PCDHA4: variants seen among roughly 807,000 people sequenced by gnomAD.
The protein encoded by PCDHA4 is protocadherin alpha-4.
PCDHA4 carries 49 observed loss-of-function variants against 61.4 expected under a neutral mutation model. That is an observed-to-expected ratio of 0.80 (90% CI 0.63 to 1.01). The LOEUF (loss-of-function observed/expected upper bound fraction) is 1.01, where lower values mean the gene tolerates loss of function less well. Among genes scored for constraint, PCDHA4 ranks in the 50% least tolerant of loss-of-function variants. The pLI is 0.00. For missense variants in PCDHA4, 1,254 were observed against 1,235.8 expected, an observed-to-expected ratio of 1.01 and a Z score of -0.22; for synonymous variants, 590 against 550.3, an observed-to-expected ratio of 1.07 and a Z score of -1.01.
At chr5:140,962,790 C>T (rs899867239) in intron 1 of PCDHA4, among the ~76,000 whole-genome samples, 28 of 152,286 alleles carry the variant, frequency 1.8e-4, no homozygotes, top group African/African-American at 6.0e-4. Flanking sequence ...TTAAAAACTA[C>T]TTTGGACAAC....
At chr5:140,898,466 T>C (rs1331469917) in intron 1 of PCDHA4, among the ~76,000 whole-genome samples, 1 of 152,202 alleles carries the variant, frequency 6.6e-6, no homozygotes, top group Admixed American at 6.5e-5. Context: ...CCATTGCTTG[T>C]TTTTCTCAGG....
At chr5:140,822,474 T>A in intron 1 of PCDHA4, 2 of 1,613,832 alleles carry the variant, frequency 1.2e-6, no homozygotes, top group South Asian at 2.2e-5. Context: ...ATGTATTGGA[T>A]GCTAATGATA....
chr5:140,859,790 A>C (rs1023981970), intron 1 of PCDHA4: 1 of 152,502 alleles, frequency 6.6e-6, no homozygotes, highest in Non-Finnish European at 1.5e-5. Context: ...AGCTCTTAGA[A>C]ATTATAGATG....
chr5:140,860,028 C>A (rs2046140974), intron 1 of PCDHA4: 1 of 151,914 alleles, frequency 6.6e-6, no homozygotes, highest in South Asian at 2.1e-4. Context: ...GTGGCTCACA[C>A]CTGTAATCCC....
chr5:140,936,275 T>C (rs1423652397), intron 1 of PCDHA4, among the ~76,000 whole-genome samples: 1 of 152,216 alleles, frequency 6.6e-6, no homozygotes, highest in African/African-American at 2.4e-5. Context: ...TATATTCCTG[T>C]GTTTTCTTCT....
Position 140,886,416 on chromosome 5 carries a change from A to T in PCDHA4, c.2385+76844A>T, listed in dbSNP as rs184712902. Among the ~76,000 whole-genome samples, 13 of 152,286 alleles carry T rather than the reference A, an allele frequency of 8.5e-5. No homozygotes were observed. The East Asian group carries it at 2.5e-3, about 29-fold the overall frequency. ...TGCATCACAAATATGTTTTCCTCCT[A>T]TATTATTTCTATTCATTTGTTTGTA... is the stretch of plus-strand genomic sequence containing the variant. On this transcript the variant is annotated intron_variant, in intron 1 of 3. Transcript: ENST00000530339.
At chr5:140,829,919 G>A (rs2150177780) in intron 1 of PCDHA4, 3 of 1,613,902 alleles carry the variant, frequency 1.9e-6, no homozygotes, top group Non-Finnish European at 1.7e-6. Flanking sequence ...GCTTTCGTAT[G>A]AGCTGCAGCC....
intron 1 of PCDHA4, among the ~76,000 whole-genome samples, chr5:140,901,473 A>C (rs1554189862): frequency 1.3e-5 from 2 of 152,012 alleles, no homozygotes. Flanking sequence ...TCTCGAGTTT[A>C]TGTTCTTGGC....
At chr5:140,928,914 A>C in intron 1 of PCDHA4, 2 of 1,614,136 alleles carry the variant, frequency 1.2e-6, no homozygotes, top group Non-Finnish European at 1.7e-6. Flanking sequence ...GGGAACCAGG[A>C]GGGCAGCTTT....
At chr5:140,968,841 A>G in intron 1 of PCDHA4, 1 of 1,614,222 alleles carries the variant, frequency 6.2e-7, no homozygotes, top group Middle Eastern at 1.6e-4. Context: ...CCTGACACTC[A>G]GAGGCATGTT....
In PCDHA4 at chr5:141,010,671, A is replaced by T. The variant is rs375520397; in HGVS notation, c.*734A>T. The T allele has an allele frequency of 5.7e-4, 94 of 164,082 alleles. 1 individual carries two copies. Among genetic ancestry groups the T allele is most frequent in the Non-Finnish European group, 1.2e-3 (86 of 74,622 alleles). The allele number at this position is 164,082 out of a possible 1,614,324, so 10.2% of individuals were successfully genotyped here. A position where few individuals can be genotyped will look rare whatever the true frequency, so the allele number is the denominator to read the frequency against. On this transcript the variant is annotated 3_prime_UTR_variant, in exon 4 of 4. Transcript: ENST00000530339. Reference sequence around the variant, plus strand: ...TGTTTTAACAGAGAACCACCCTGGGAAACAGAAGCAGATCTGATGTGTTTC... The same window carrying T: ...TGTTTTAACAGAGAACCACCCTGGGTAACAGAAGCAGATCTGATGTGTTTC...
At chr5:140,823,642 G>C (rs2150127813) in intron 1 of PCDHA4, 2 of 1,614,036 alleles carry the variant, frequency 1.2e-6, no homozygotes, top group South Asian at 2.2e-5. Context: ...CCCGTTCCGC[G>C]TGGGGCTGTA....
At position 141,009,870 on chromosome 5, in the gene PCDHA4, A is replaced by G. The variant is rs1554262513; in HGVS notation, c.2777A>G (p.Lys926Arg). 1.9e-6 allele frequency: 3 copies of G among 1,614,114 alleles called. No homozygotes were observed. Among genetic ancestry groups the G allele is most frequent in the South Asian group, 2.2e-5 (2 of 91,074 alleles). ...GAGACCAAGAAAAAGAAGAAAAAGA[A>G]GAAGGGTAACAAGACCCAGGAGAAA... ...KEETKKKKKK[K>R]KGNKTQEKKE... The change falls in exon 4 of 4, where the codon AAG (lysine) becomes AGG (arginine). Residue 926 changes from lysine to arginine, a missense_variant. Physicochemically the swap from Lys to Arg is conservative, Grantham distance 26. Coordinates refer to ENST00000530339, the MANE Select transcript of PCDHA4 (RefSeq NM_018907.4).
chr5:140,929,646 A>G (rs868995130), intron 1 of PCDHA4: 1 of 365,824 alleles, frequency 2.7e-6, no homozygotes, highest in Non-Finnish European at 5.0e-6. Flanking sequence ...TGTGTAAGGC[A>G]CTCTAATATT....
At position 140,847,060 on chromosome 5, in the gene PCDHA4, C is replaced by T. The variant is rs1457152734; in HGVS notation, c.2385+37488C>T. ...TAAGGAAAGTTGAAGACACAGAAAG[C>T]ATCAATATGACAAGTAGAAAAGTCC... On this transcript the variant is annotated intron_variant, in intron 1 of 3. Coordinates refer to ENST00000530339, the MANE Select transcript of PCDHA4 (RefSeq NM_018907.4). 1.3e-5 allele frequency among the ~76,000 whole-genome samples: 2 copies of T among 149,600 alleles called. 1 individual carries two copies. Among genetic ancestry groups the T allele is most frequent in the Non-Finnish European group, 3.0e-5 (2 of 66,898 alleles).
rs955565578 is a variant in PCDHA4, at chr5:141,012,291, T to C, written c.*2354T>C. 6 of 153,804 alleles carry C rather than the reference T, an allele frequency of 3.9e-5. No homozygotes were observed. The highest frequency in any genetic ancestry group is 9.6e-5 in the African/African-American group (4 of 41,478). The allele number at this position is 153,804 out of a possible 1,614,324, so 9.5% of individuals were successfully genotyped here. A position where few individuals can be genotyped will look rare whatever the true frequency, so the allele number is the denominator to read the frequency against. On this transcript the variant is annotated 3_prime_UTR_variant, in exon 4 of 4. Coordinates refer to ENST00000530339, the MANE Select transcript of PCDHA4 (RefSeq NM_018907.4). ...ACACGTCATGTGGATTCATTTTGAA[T>C]TGGTGCTATTGGTATTTCCTCTGTT...
intron 1 of PCDHA4, among the ~76,000 whole-genome samples, chr5:140,898,854 C>G (rs1467228131): frequency 2.0e-5 from 3 of 152,150 alleles, no homozygotes; most frequent in Admixed American, 6.6e-5. Flanking sequence ...TTTGTATCCT[C>G]TTTTATTTCA....
At chr5:140,946,631 T>TATATATATATACACACAC (rs57893927) in intron 1 of PCDHA4, among the ~76,000 whole-genome samples, 1 of 131,846 alleles carries the variant, frequency 7.6e-6, no homozygotes, top group East Asian at 2.0e-4. Context: ...TATATATATA[T>TATATATATATACACACAC]ACAATGGAAT....
At chr5:140,927,318 C>T (rs149532133) in intron 1 of PCDHA4, 18,448 of 1,614,194 alleles carry the variant, frequency 0.011, 218 homozygotes, top group South Asian at 0.039. Flanking sequence ...CCGGAGCCCG[C>T]TTTACTCTCC....
Sources: allele counts gnomAD v4.1 joint callset (sites outside exome capture counted in the v4.1 genomes callset), GRCh38; gene constraint gnomAD v4.1.1; transcripts MANE v1.5; gene names NCBI Gene and HGNC (gene_info 2026-07-23, HGNC 2026-07-21).